Variants in ATP6V1B2 observed in about 807,000 individuals in gnomAD.
ATP6V1B2 encodes ATPase H+ transporting V1 subunit B2.
A neutral mutation model predicts 66.7 loss-of-function variants in ATP6V1B2; 23 were observed. The ratio of observed to expected loss-of-function variants is 0.34; its 90% confidence interval spans 0.25 to 0.49. ATP6V1B2 has a LOEUF of 0.49. Among genes scored for constraint, ATP6V1B2 ranks in the 20% least tolerant of loss-of-function variants. ATP6V1B2 has a pLI of 0.99. For missense variants in ATP6V1B2, 478 were observed against 650.8 expected (o/e 0.73, Z 2.89); for synonymous variants, 278 against 236.7 (o/e 1.17, Z -1.60).
chr8:20,211,994 T>C, intron 7 of ATP6V1B2, 108 bp from the exon 8 acceptor site: 3 of 1,085,454 alleles, frequency 2.8e-6, no homozygotes, highest in Non-Finnish European at 4.0e-6. Flanking sequence ...TTTGGGGTAC[T>C]TGAGGTTTTA....
chr8:20,211,377 C>G, intron 6 of ATP6V1B2, 61 bp downstream of exon 6: 1 of 1,574,140 alleles, frequency 6.4e-7, no homozygotes, highest in Non-Finnish European at 8.6e-7. Flanking sequence ...TAATGCATCA[C>G]TGTTACTGAG....
chr8:20,205,840 C>G (rs541366894), intron 2 of ATP6V1B2, among the ~76,000 whole-genome samples: 85 of 152,106 alleles, frequency 5.6e-4, no homozygotes, highest in African/African-American at 2.0e-3. Context: ...AACACAGATC[C>G]CAAAATTCTT....
chr8:20,212,785 T>C lies in ATP6V1B2; in HGVS notation c.807T>C (p.Ile269=), dbSNP rs1198571314. The stretch of plus-strand genomic sequence containing the variant: ...AAGACTTAATGTTCCCTTTCAGCAT[T>C]GAGCGAATTATCACTCCTCGCCTGG... ...LFLNLANDPT[I]ERIITPRLAL... Residue 269 remains isoleucine (I), a synonymous_variant, in exon 9 of 14, where the codon ATT becomes ATC. Transcript: ENST00000276390. 1 of 1,613,260 alleles carries C rather than the reference T, an allele frequency of 6.2e-7. No individual in the cohort carries two copies.
intron 1 of ATP6V1B2, 59 bp from the exon 2 acceptor site, chr8:20,204,425 A>G: frequency 6.9e-7 from 1 of 1,455,808 alleles, no homozygotes; most frequent in African/African-American, 1.4e-5. Flanking sequence ...AATGCCAGAG[A>G]GCTAATTTAA....
intron 1 of ATP6V1B2, among the ~76,000 whole-genome samples, chr8:20,198,975 A>G (rs961606765): frequency 6.6e-6 from 1 of 152,204 alleles, no homozygotes; most frequent in African/African-American, 2.4e-5. Context: ...TTGCGTTTGT[A>G]TGCATTGCCT....
At chr8:20,203,156 C>T (rs1224127910) in intron 1 of ATP6V1B2, among the ~76,000 whole-genome samples, 2 of 152,148 alleles carry the variant, frequency 1.3e-5, no homozygotes, top group African/African-American at 4.8e-5. Context: ...CATGACCATC[C>T]ATCCAAGTAG....
chr8:20,199,062 T>A (rs1189324707), intron 1 of ATP6V1B2, among the ~76,000 whole-genome samples: 2 of 152,228 alleles, frequency 1.3e-5, no homozygotes, highest in Admixed American at 6.5e-5. Flanking sequence ...AGTTTCCATA[T>A]AATTAATCAT....
At chr8:20,215,187 A>G (rs1434789604) in intron 10 of ATP6V1B2, 4 of 464,648 alleles carry the variant, frequency 8.6e-6, no homozygotes, top group Non-Finnish European at 1.5e-5. Context: ...TTTTAACTTT[A>G]TTAGGTACTA....
intron 7 of ATP6V1B2, 70 bp downstream of exon 7, chr8:20,211,823 T>C: frequency 8.3e-7 from 1 of 1,211,946 alleles, no homozygotes; most frequent in South Asian, 1.4e-5. Context: ...TGTAGTAAGC[T>C]GTACATATAT....
chr8:20,204,294 A>G (rs1229399630), intron 1 of ATP6V1B2, among the ~76,000 whole-genome samples, 190 bp from the exon 2 acceptor site: 1 of 152,228 alleles, frequency 6.6e-6, no homozygotes, highest in Non-Finnish European at 1.5e-5. Flanking sequence ...TGGTTGGATG[A>G]CAGTGGATTA....
chr8:20,211,111 A>C, intron 5 of ATP6V1B2, 66 bp from the exon 6 acceptor site: 1 of 1,561,510 alleles, frequency 6.4e-7, no homozygotes, highest in Non-Finnish European at 8.6e-7. Context: ...ATTTGATATG[A>C]TATCTAATTT....
rs909679569 is a variant in ATP6V1B2, at chr8:20,221,511, C to G, written c.*1109C>G. The G allele has an allele frequency of 3.3e-5, 5 of 152,550 alleles. No individual in the cohort carries two copies. The highest frequency in any genetic ancestry group is 1.2e-4 in the African/African-American group (5 of 41,404). 9.4% of individuals were successfully genotyped at this position (152,550 alleles called of 1,614,324 possible). A position where few individuals can be genotyped will look rare whatever the true frequency, so the allele number is the denominator to read the frequency against. Reference sequence around the variant, plus strand: ...TGCGTCCTGTTGGTCTCTCTGTGTTCTTTGTTACTTGGGTGCAATAGCAAC... The same window carrying G: ...TGCGTCCTGTTGGTCTCTCTGTGTTGTTTGTTACTTGGGTGCAATAGCAAC... On this transcript the variant is annotated 3_prime_UTR_variant, in exon 14 of 14. Coordinates refer to ENST00000276390, the MANE Select transcript of ATP6V1B2 (RefSeq NM_001693.4).
In ATP6V1B2 at chr8:20,220,579, C is replaced by A; in HGVS notation, c.*177C>A. ...GCAACGTTTTAAACTGCTAACAGAC[C>A]TTAAAATATCCCCCTACCTGGGTCC... On this transcript the variant is annotated 3_prime_UTR_variant, in exon 14 of 14. Transcript: ENST00000276390. The A allele has an allele frequency of 2.3e-6, 2 of 886,320 alleles. No individual in the cohort carries two copies. Among genetic ancestry groups the A allele is most frequent in the Non-Finnish European group, 3.2e-6 (2 of 633,508 alleles). The allele number at this position is 886,320 out of a possible 1,614,324, so 54.9% of individuals were successfully genotyped here. A position where few individuals can be genotyped will look rare whatever the true frequency, so the allele number is the denominator to read the frequency against.
Position 20,218,288 on chromosome 8 carries a change from A to G in ATP6V1B2, c.1396+6A>G. On this transcript the variant is annotated splice_donor_region_variant and intron_variant, in intron 13 of 13. Transcript: ENST00000276390. ...GAGGAACTTCATTGCTCAGGGTAAG[A>G]TGACTGTTGGCTTACAAACATAAAA... 6.2e-7 allele frequency: 1 copy of G among 1,611,638 alleles called. No homozygotes were observed. The highest frequency in any genetic ancestry group is 1.3e-5 in the African/African-American group (1 of 74,874).
Position 20,204,527 on chromosome 8 carries a change from A to C in ATP6V1B2, c.180A>C (p.Leu60Phe). The change falls in exon 2 of 14, where the codon TTA becomes TTC. Residue 60 changes from leucine (L) to phenylalanine (F), a missense_variant. This residue lies in a region of ATP6V1B2 where 152 missense variants were observed against 105.2 expected (regional missense o/e 1.44). Coordinates refer to ENST00000276390, the MANE Select transcript of ATP6V1B2 (RefSeq NM_001693.4). ...VSGVNGPLVI[L>F]DHVKFPRYAE... Reference sequence around the variant, plus strand: ...GAGTCAATGGTCCACTAGTGATCTTAGATCATGTTAAGGTAATACCACTAT... The same window carrying C: ...GAGTCAATGGTCCACTAGTGATCTTCGATCATGTTAAGGTAATACCACTAT... The C allele has an allele frequency of 6.2e-7, 1 of 1,612,116 alleles. No homozygotes were observed. Among genetic ancestry groups the C allele is most frequent in the Non-Finnish European group, 8.5e-7 (1 of 1,178,280 alleles).
chr8:20,212,189 A>G lies in ATP6V1B2; in HGVS notation c.793A>G (p.Asn265Asp), dbSNP rs775920350. The change falls in exon 8 of 14, where the codon AAT (asparagine) becomes GAT (aspartate). Residue 265 changes from asparagine to aspartate, a missense_variant. Physicochemically the swap from Asn to Asp is conservative, Grantham distance 23. Coordinates refer to ENST00000276390, the MANE Select transcript of ATP6V1B2 (RefSeq NM_001693.4). ...DNVCLFLNLA[N>D]DPTIERIITP... ...TGTCTGCCTCTTTTTGAACTTGGCTAATGACCCAACGTAAGTAACAGAGCT... is the reference window on the plus strand; with the variant it reads ...TGTCTGCCTCTTTTTGAACTTGGCTGATGACCCAACGTAAGTAACAGAGCT... The G allele has an allele frequency of 5.6e-6, 9 of 1,613,462 alleles. No individual in the cohort carries two copies. The highest frequency in any genetic ancestry group is 1.3e-5 in the African/African-American group (1 of 75,018).
At chr8:20,219,206 T>C (rs2072884559) in intron 13 of ATP6V1B2, among the ~76,000 whole-genome samples, 1 of 152,166 alleles carries the variant, frequency 6.6e-6, no homozygotes, top group Admixed American at 6.5e-5. Flanking sequence ...AGATTTTGCA[T>C]TTCTGTGAAT....
At chr8:20,216,538 A>C (rs754178821) in intron 11 of ATP6V1B2, 43 bp downstream of exon 11, 1 of 1,543,112 alleles carries the variant, frequency 6.5e-7, no homozygotes. Context: ...AGACCTGCTC[A>C]TCCGTTATTC....
At chr8:20,212,279 G>T in intron 8 of ATP6V1B2, 80 bp downstream of exon 8, 3 of 1,300,860 alleles carry the variant, frequency 2.3e-6, no homozygotes, top group South Asian at 1.2e-5. Context: ...GTAAAATGTG[G>T]TAATAACAGC....
Sources: allele counts gnomAD v4.1 joint callset (sites outside exome capture counted in the v4.1 genomes callset), GRCh38; gene constraint gnomAD v4.1.1; regional missense constraint gnomAD v4.1.1; transcripts MANE v1.5; gene names NCBI Gene and HGNC (gene_info 2026-07-23, HGNC 2026-07-21).